Variants in IFIH1 observed in about 807,000 individuals in gnomAD.
The protein encoded by IFIH1 is interferon-induced helicase C domain-containing protein 1.
IFIH1 carries 125 observed loss-of-function variants against 107.4 expected under a neutral mutation model. The observed-to-expected ratio is 1.16, with a 90% CI of 1.01 to 1.35. IFIH1 has a LOEUF of 1.35. Ranked by LOEUF, IFIH1 falls within the 40% of genes most tolerant of loss-of-function variation. The pLI is 0.00. For synonymous variants in IFIH1, 458 were observed against 413.2 expected, an observed-to-expected ratio of 1.11 and a Z score of -1.31; for missense variants, 1,333 against 1,213.7, an observed-to-expected ratio of 1.10 and a Z score of -1.46.
intron 1 of IFIH1, among the ~76,000 whole-genome samples, chr2:162,314,053 A>C (rs1683427642): frequency 6.6e-6 from 1 of 152,112 alleles, no homozygotes. Flanking sequence ...ATCTCTCTTT[A>C]GCTGTTCAGC....
In IFIH1 at chr2:162,272,312, C is replaced by G; in HGVS notation, c.2530G>C (p.Glu844Gln). ...AHSGSGVIEH[E>Q]TVNDFREKMM... ...TTCTCTCGGAAATCATTAACTGTCT[C>G]ATGTTCGATAACTCCTGAACCACTG... is the stretch of plus-strand genomic sequence containing the variant. Residue 844 changes from glutamate (E) to glutamine (Q), a missense_variant, in exon 13 of 16, where the codon GAG becomes CAG. Physicochemically the swap from Glu to Gln is conservative, Grantham distance 29. Coordinates refer to ENST00000649979, the MANE Select transcript of IFIH1 (RefSeq NM_022168.4). The G allele has an allele frequency of 1.9e-6, 3 of 1,613,088 alleles. No homozygotes were observed. The highest frequency in any genetic ancestry group is 2.5e-6 in the Non-Finnish European group (3 of 1,179,354).
At chr2:162,295,810 G>A (rs775831209) in intron 3 of IFIH1, among the ~76,000 whole-genome samples, 52 of 151,906 alleles carry the variant, frequency 3.4e-4, no homozygotes, top group Non-Finnish European at 5.9e-4. Flanking sequence ...GTAGAAGAGC[G>A]TTTTGGGCAG....
chr2:162,295,551 T>G (rs898669052), intron 3 of IFIH1, among the ~76,000 whole-genome samples: 3 of 151,930 alleles, frequency 2.0e-5, no homozygotes, highest in South Asian at 2.1e-4. Flanking sequence ...GATAAGAAAT[T>G]TGTAGAAAAA....
At position 162,306,712 on chromosome 2, in the gene IFIH1, A is replaced by C. The variant is rs376586780; in HGVS notation, c.766T>G (p.Ser256Ala). Residue 256 changes from serine to alanine, a missense_variant, in exon 3 of 16, where the codon TCA becomes GCA. By Grantham distance (99) the Ser-to-Ala change is moderately conservative. Transcript: ENST00000649979. ...ESSFADSSVV[S>A]ESDTSLAEGS... ...AGTACGTATGTGTTTCAAGTACCTG[A>C]AACTACAGAAGAATCTGCAAAAGAT... 1.9e-6 allele frequency: 3 copies of C among 1,613,530 alleles called. No homozygotes were observed. In the African/African-American group the frequency reaches 4.0e-5, roughly 22 times the overall value.
intron 2 of IFIH1, among the ~76,000 whole-genome samples, chr2:162,308,129 A>C (rs898429431): frequency 6.6e-6 from 1 of 152,128 alleles, no homozygotes; most frequent in African/African-American, 2.4e-5. Context: ...AAACACCATC[A>C]ACTGAGTGGC....
chr2:162,271,546 T>C (rs1356726133), intron 13 of IFIH1, among the ~76,000 whole-genome samples: 1 of 152,160 alleles, frequency 6.6e-6, no homozygotes, highest in African/African-American at 2.4e-5. Flanking sequence ...ACATGGCACA[T>C]GTATACATAT....
intron 1 of IFIH1, among the ~76,000 whole-genome samples, chr2:162,313,182 A>G (rs1163070045): frequency 6.6e-6 from 1 of 152,178 alleles, no homozygotes; most frequent in Non-Finnish European, 1.5e-5. Context: ...TTGGTGCTGG[A>G]AAGTACATCA....
intron 1 of IFIH1, among the ~76,000 whole-genome samples, chr2:162,314,794 A>C (rs2105234557): frequency 6.6e-6 from 1 of 152,198 alleles, no homozygotes; most frequent in African/African-American, 2.4e-5. Flanking sequence ...GGCCTACAGT[A>C]GACATTCTTT....
intron 13 of IFIH1, among the ~76,000 whole-genome samples, chr2:162,269,738 A>G (rs1036270704): frequency 1.3e-5 from 2 of 152,204 alleles, no homozygotes. Flanking sequence ...GTGCAGTTGA[A>G]CAAAGCCCAT....
At chr2:162,313,969 G>A (rs887180199) in intron 1 of IFIH1, among the ~76,000 whole-genome samples, 4 of 152,188 alleles carry the variant, frequency 2.6e-5, no homozygotes, top group Admixed American at 1.3e-4. Context: ...GTTCTTCTGT[G>A]TAAATGGAAG....
At chr2:162,297,215 G>A (rs776212375) in intron 3 of IFIH1, among the ~76,000 whole-genome samples, 4 of 152,036 alleles carry the variant, frequency 2.6e-5, no homozygotes, top group Non-Finnish European at 4.4e-5. Context: ...AAATTAAACC[G>A]ACCTATTGAG....
At chr2:162,284,102 G>C (rs1458528678) in intron 5 of IFIH1, among the ~76,000 whole-genome samples, 2 of 151,814 alleles carry the variant, frequency 1.3e-5, no homozygotes, top group Non-Finnish European at 2.9e-5. Flanking sequence ...ACAATCTCTG[G>C]GGGGCAGAGG....
chr2:162,315,130 T>C (rs1262100162), intron 1 of IFIH1, among the ~76,000 whole-genome samples: 7 of 152,224 alleles, frequency 4.6e-5, no homozygotes, highest in African/African-American at 1.7e-4. Context: ...GACCATTTTA[T>C]AGAAGTCTTG....
chr2:162,311,639 T>A (rs1165663044), intron 1 of IFIH1, among the ~76,000 whole-genome samples: 1 of 152,184 alleles, frequency 6.6e-6, no homozygotes, highest in Non-Finnish European at 1.5e-5. Flanking sequence ...AAATTTCTTT[T>A]AAATGTGGAT....
chr2:162,299,115 T>A (rs933033445), intron 3 of IFIH1, among the ~76,000 whole-genome samples: 13 of 152,214 alleles, frequency 8.5e-5, no homozygotes, highest in African/African-American at 3.1e-4. Flanking sequence ...CCTTTGCACT[T>A]AGGTTCTAAT....
chr2:162,317,836 C>T lies in IFIH1; in HGVS notation c.453+19G>A, dbSNP rs1267044353. On this transcript the variant is annotated intron_variant, in intron 1 of 15. Coordinates refer to ENST00000649979, the MANE Select transcript of IFIH1 (RefSeq NM_022168.4). ...CAAAATCTGCCTAAAAGGCTAGCTC[C>T]ATCTGAACAGACACCTACCCGGTTT... The T allele has an allele frequency of 3.2e-6, 5 of 1,543,068 alleles. No homozygotes were observed. Among genetic ancestry groups the T allele is most frequent in the Non-Finnish European group, 4.4e-6 (5 of 1,146,298 alleles).
chr2:162,315,244 G>A (rs1161623104), intron 1 of IFIH1, among the ~76,000 whole-genome samples: 2 of 152,100 alleles, frequency 1.3e-5, no homozygotes, highest in Admixed American at 1.3e-4. Context: ...AATTCAATAC[G>A]TCATGTGTTT....
chr2:162,287,084 C>T (rs1682908026), intron 5 of IFIH1, among the ~76,000 whole-genome samples: 1 of 151,684 alleles, frequency 6.6e-6, no homozygotes, highest in Non-Finnish European at 1.5e-5. Context: ...CCATTACCAG[C>T]AAAATAAATA....
At chr2:162,279,936 G>T in intron 8 of IFIH1, 60 bp downstream of exon 8, 1 of 915,866 alleles carries the variant, frequency 1.1e-6, no homozygotes. Context: ...AATAGCCTTT[G>T]CCATCTTTCT....
Sources: gnomAD v4.1 joint callset for allele counts (sites outside exome capture counted in the v4.1 genomes callset) on GRCh38, gnomAD v4.1.1 for gene constraint, MANE v1.5 for transcripts, NCBI Gene and HGNC (gene_info 2026-07-23, HGNC 2026-07-21) for gene names.